Variants in FGG observed in about 807,000 individuals in gnomAD.
FGG encodes fibrinogen, gamma polypeptide.
FGG carries 20 observed loss-of-function variants against 51.7 expected under a neutral mutation model. The ratio of observed to expected loss-of-function variants is 0.39; its 90% CI spans 0.27 to 0.56. The LOEUF (loss-of-function observed/expected upper bound fraction) is 0.56, where lower values mean the gene tolerates loss of function less well. Among genes scored for constraint, FGG ranks in the 20% least tolerant of loss-of-function variants. FGG has a pLI of 0.64. For missense variants in FGG, 460 were observed against 534.2 expected (o/e 0.86, Z 1.37); for synonymous variants, 184 against 184.7 (o/e 1.00, Z 0.03).
chr4:154,610,857 G>T (rs1355815569), intron 4 of FGG, among the ~76,000 whole-genome samples: 1 of 152,074 alleles, frequency 6.6e-6, no homozygotes, highest in Non-Finnish European at 1.5e-5. Context: ...CCCTCCTTTT[G>T]TAGTTACTTA....
At chr4:154,607,726 G>A (rs1053400683) in intron 7 of FGG, among the ~76,000 whole-genome samples, 1 of 152,084 alleles carries the variant, frequency 6.6e-6, no homozygotes, top group Admixed American at 6.6e-5. Flanking sequence ...CCTAGAAGAA[G>A]GTCTACTGAC....
chr4:154,605,951 A>G (rs1478561451), intron 8 of FGG, among the ~76,000 whole-genome samples: 2 of 151,548 alleles, frequency 1.3e-5, no homozygotes, highest in Admixed American at 6.6e-5. Flanking sequence ...GTCTGGTCTG[A>G]CTGTTTGGCT....
rs1363080443 is a variant in FGG at position 154,612,082 on chromosome 4, T to C, written c.243A>G (p.Ser81=). The C allele has an allele frequency of 6.2e-7, 1 of 1,612,990 alleles. No homozygotes were observed. The highest frequency in any genetic ancestry group is 1.3e-5 in the African/African-American group (1 of 75,042). The change falls in exon 3 of 9, where the codon TCA becomes TCG. Residue 81 remains serine, a synonymous_variant. Coordinates refer to ENST00000336098, the MANE Select transcript of FGG (RefSeq NM_021870.3). ...TTGCTTTTATCAGCTGTTTGACTTC[T>C]GATGTTTTGTTTTCAACTTGATGTA... ...DILHQVENKT[S]EVKQLIKAIQ...
In FGG at chr4:154,608,653, A is replaced by G. The variant is rs113991123; in HGVS notation, c.667-3T>C. The G allele has an allele frequency of 6.2e-7, 1 of 1,610,064 alleles. No individual in the cohort carries two copies. Among genetic ancestry groups the G allele is most frequent in the South Asian group, 1.1e-5 (1 of 91,060 alleles). On this transcript the variant is annotated splice_polypyrimidine_tract_variant and splice_region_variant and intron_variant, in intron 6 of 8. Transcript: ENST00000336098. ...AAATCTACACTGCCATCAAGTCTCT[A>G]ATTACACATTTGCAAGAGCAAAAGG...
At chr4:154,612,267 G>A (rs1356054817) in intron 2 of FGG, 66 bp from the exon 3 acceptor site, 2 of 1,586,122 alleles carry the variant, frequency 1.3e-6, no homozygotes. Flanking sequence ...AAGAAAAATA[G>A]GTAAAACCTA....
At chr4:154,605,443 A>T (rs2110839566) in intron 8 of FGG, among the ~76,000 whole-genome samples, 1 of 152,274 alleles carries the variant, frequency 6.6e-6, no homozygotes, top group Admixed American at 6.5e-5. Flanking sequence ...AGGTCAACTC[A>T]GGTTATTTGA....
rs747005631 is a variant in FGG, at chr4:154,610,058, A to T, written c.532+9T>A. 4.3e-6 allele frequency: 7 copies of T among 1,613,742 alleles called. No homozygotes were observed. The East Asian group carries it at 1.6e-4, about 36-fold the overall frequency. ...TGAACCTAATCCCAATATAACCTTC[A>T]TCAGTTACCTTTCCCAGTGATATCA... On this transcript the variant is annotated intron_variant, in intron 5 of 8. Transcript: ENST00000336098.
In FGG at chr4:154,606,953, C is replaced by T; in HGVS notation, c.881G>A (p.Gly294Glu). ...STADYAMFKV[G>E]PEADKYRLTY... The stretch of plus-strand genomic sequence containing the variant: ...TAGGCGGTACTTGTCAGCTTCAGGT[C>T]CCACCTTGAACATGGCATAGTCTGC... The change falls in exon 8 of 9, where the codon GGA becomes GAA. Residue 294 changes from glycine to glutamate, a missense_variant. This residue lies in a region of FGG where 353 missense variants were observed against 391.7 expected (regional missense o/e 0.90). Coordinates refer to ENST00000336098, the MANE Select transcript of FGG (RefSeq NM_021870.3). 1 of 1,611,200 alleles carries T rather than the reference C, an allele frequency of 6.2e-7. No individual in the cohort carries two copies. The highest frequency in any genetic ancestry group is 8.5e-7 in the Non-Finnish European group (1 of 1,178,392).
chr4:154,605,461 A>C (rs1731080902), intron 8 of FGG, among the ~76,000 whole-genome samples: 1 of 152,120 alleles, frequency 6.6e-6, no homozygotes, highest in Admixed American at 6.6e-5. Flanking sequence ...TGAAAGCACA[A>C]TTTTGTTGGT....
intron 8 of FGG, among the ~76,000 whole-genome samples, chr4:154,605,921 G>T (rs770003630): frequency 2.0e-5 from 3 of 151,712 alleles, no homozygotes; most frequent in Non-Finnish European, 4.4e-5. Context: ...TGGTAGGGAA[G>T]TCCTACTGAT....
chr4:154,612,561 G>C lies in FGG; in HGVS notation c.49C>G (p.Leu17Val), dbSNP rs760142840. ...PRNLILYFYA[L>V]LFLSSTCVAY... is the part of the protein sequence containing the mutation. ...ACACATGTTGAAGAGAGAAATAAAA[G>C]AGCATAGAAGTAGAGAATTAAATTC... The change falls in exon 1 of 9, where the codon CTT (leucine) becomes GTT (valine). Residue 17 changes from leucine to valine, a missense_variant. Coordinates refer to ENST00000336098, the MANE Select transcript of FGG (RefSeq NM_021870.3). 1.7e-5 allele frequency: 28 copies of C among 1,613,860 alleles called. No individual in the cohort carries two copies. The South Asian group carries it at 3.1e-4, about 18-fold the overall frequency.
rs1208370439 is a variant in FGG at position 154,604,587 on chromosome 4, T to C, written c.*247A>G. 17 of 1,212,202 alleles carry C rather than the reference T, an allele frequency of 1.4e-5. No individual in the cohort carries two copies. In the East Asian group the frequency reaches 4.5e-4, roughly 32 times the overall value. 75.1% of individuals were successfully genotyped at this position (1,212,202 alleles called of 1,614,324 possible). On this transcript the variant is annotated 3_prime_UTR_variant, in exon 9 of 9. Transcript: ENST00000336098. ...AGTGGTCATAAAAATGCAAATAAAGTCAATCATTTTATTATTATATATTTA... is the reference window on the plus strand; with the variant it reads ...AGTGGTCATAAAAATGCAAATAAAGCCAATCATTTTATTATTATATATTTA...
rs772940764 is a variant in FGG, at chr4:154,610,095, C to T, written c.504G>A (p.Thr168=). The T allele has an allele frequency of 3.2e-5, 51 of 1,613,618 alleles. No homozygotes were observed. In the Admixed American group the frequency reaches 5.2e-4, roughly 16 times the overall value. ...TCCCAGTGATATCATGGATTTGCAC[C>T]GTGTCTTTGCAAGGTTCCTGGCACT... is the stretch of plus-strand genomic sequence containing the variant. ...EAQCQEPCKD[T]VQIHDITGKD... Residue 168 remains threonine, a synonymous_variant, in exon 5 of 9, where the codon ACG becomes ACA. Coordinates refer to ENST00000336098, the MANE Select transcript of FGG (RefSeq NM_021870.3).
At chr4:154,608,279 A>T (rs1336288953) in intron 7 of FGG, among the ~76,000 whole-genome samples, 187 bp downstream of exon 7, 1 of 152,176 alleles carries the variant, frequency 6.6e-6, no homozygotes, top group African/African-American at 2.4e-5. Context: ...ATACACTTAG[A>T]TTCATCCTGA....
chr4:154,610,329 A>G (rs1731185021), intron 4 of FGG, 132 bp from the exon 5 acceptor site: 2 of 667,616 alleles, frequency 3.0e-6, no homozygotes, highest in Admixed American at 5.8e-5. Context: ...AAATTATTCC[A>G]TTCTTGAGGA....
chr4:154,609,204 G>A (rs867415994), intron 6 of FGG, among the ~76,000 whole-genome samples: 3 of 152,180 alleles, frequency 2.0e-5, no homozygotes, highest in South Asian at 2.1e-4. Context: ...TGGTGATGGT[G>A]GTGGGGTGGT....
chr4:154,607,307 A>G (rs763736368), intron 7 of FGG, among the ~76,000 whole-genome samples: 33 of 152,170 alleles, frequency 2.2e-4, no homozygotes, highest in Non-Finnish European at 3.8e-4. Flanking sequence ...CATATTTTCT[A>G]CTTTTATTGA....
rs1217939861 is a variant in FGG, at chr4:154,604,232, T to C, written c.*602A>G. 2 of 867,404 alleles carry C rather than the reference T, an allele frequency of 2.3e-6. No homozygotes were observed. Among genetic ancestry groups the C allele is most frequent in the Non-Finnish European group, 3.4e-6 (2 of 586,240 alleles). 53.7% of individuals were successfully genotyped at this position (867,404 alleles called of 1,614,324 possible). A position where few individuals can be genotyped will look rare whatever the true frequency, so the allele number is the denominator to read the frequency against. On this transcript the variant is annotated 3_prime_UTR_variant, in exon 9 of 9. Transcript: ENST00000336098. Reference sequence around the variant, plus strand: ...GTTTTCAACATGGGGTCTTTTGCTCTTAAAATGAAGTGAAGCTTTGCAAGT... The same window carrying C: ...GTTTTCAACATGGGGTCTTTTGCTCCTAAAATGAAGTGAAGCTTTGCAAGT...
In FGG at chr4:154,612,200, C is replaced by A. The variant is rs1173725188; in HGVS notation, c.125G>T (p.Gly42Val). ...DNCCILDERF[G>V]SYCPTTCGIA... ...GCCACAGGTAGTTGGACAATAACTA[C>A]CCTGAAAATATAACAGTGATTAAAA... Residue 42 changes from glycine (G) to valine (V), a missense_variant and splice_region_variant, in exon 3 of 9, where the codon GGT (glycine) becomes GTT (valine). Gly to Val is a moderately radical substitution (Grantham distance 109). Coordinates refer to ENST00000336098, the MANE Select transcript of FGG (RefSeq NM_021870.3). 1 of 1,609,238 alleles carries A rather than the reference C, an allele frequency of 6.2e-7. No homozygotes were observed. The highest frequency in any genetic ancestry group is 2.2e-5 in the East Asian group (1 of 44,764).
Sources: allele counts gnomAD v4.1 joint callset (sites outside exome capture counted in the v4.1 genomes callset), GRCh38; gene constraint gnomAD v4.1.1; regional missense constraint gnomAD v4.1.1; transcripts MANE v1.5; gene names NCBI Gene and HGNC (gene_info 2026-07-23, HGNC 2026-07-21).